COA8: variants seen among roughly 807,000 people sequenced by gnomAD.
The protein encoded by COA8 is cytochrome c oxidase assembly factor 8, also known as UPF0671 protein C14orf153.
Under a neutral mutation model 22.0 loss-of-function variants are expected in COA8, and 20 were observed. The observed-to-expected ratio is 0.91, with a 90% CI of 0.64 to 1.32. The LOEUF (loss-of-function observed/expected upper bound fraction) is 1.32. Ranked by LOEUF, COA8 falls within the 40% of genes most tolerant of loss-of-function variation. The pLI, the probability that COA8 is intolerant of heterozygous loss-of-function variation, is 0.00. For synonymous variants in COA8, 105 were observed against 79.9 expected (o/e 1.31, Z -1.68); for missense variants, 266 against 230.0 (o/e 1.16, Z -1.01).
At chr14:103,584,702 A>G (rs1425741601) in intron 3 of COA8, among the ~76,000 whole-genome samples, 2 of 152,146 alleles carry the variant, frequency 1.3e-5, no homozygotes, top group Non-Finnish European at 2.9e-5. Context: ...TCTGTGTTTA[A>G]TAATAGCTAT....
chr14:103,573,622 G>A (rs1389787755), intron 2 of COA8, among the ~76,000 whole-genome samples: 1 of 149,352 alleles, frequency 6.7e-6, no homozygotes, highest in African/African-American at 2.5e-5. Flanking sequence ...GCGTGATCTC[G>A]GCTCACTGCA....
rs141716997 is a variant in COA8, at chr14:103,570,424, T to C, written c.124-1199T>C. Among the ~76,000 whole-genome samples, 431 of 152,148 alleles carry C rather than the reference T, an allele frequency of 2.8e-3. 9 individuals carry two copies. The highest frequency in any genetic ancestry group is 0.025 in the Admixed American group (389 of 15,280). ...AAACAAAACCAGTTCATGGAGACCA[T>C]GGCATTGCAGTAAAGAAAGAGTTTA... On this transcript the variant is annotated intron_variant, in intron 1 of 4. Coordinates refer to ENST00000409074, the MANE Select transcript of COA8 (RefSeq NM_001370595.2).
rs867254078 is a variant in COA8 at position 103,562,990 on chromosome 14, G to T, written c.-12G>T. Reference sequence around the variant, plus strand: ...GCTGCCGTGCGCCGCGGGAGCCAGGGGGCGTGGGGCCATGGTGGTCTTGCG... The same window carrying T: ...GCTGCCGTGCGCCGCGGGAGCCAGGTGGCGTGGGGCCATGGTGGTCTTGCG... On this transcript the variant is annotated 5_prime_UTR_variant, in exon 1 of 5. Coordinates refer to ENST00000409074, the MANE Select transcript of COA8 (RefSeq NM_001370595.2). 1 of 1,544,898 alleles carries T rather than the reference G, an allele frequency of 6.5e-7. No homozygotes were observed. Among genetic ancestry groups the T allele is most frequent in the Non-Finnish European group, 8.7e-7 (1 of 1,151,570 alleles).
rs986309809 is a variant in COA8 at position 103,581,975 on chromosome 14, G to T, written c.386-5299G>T. On this transcript the variant is annotated intron_variant, in intron 3 of 4. Coordinates refer to ENST00000409074, the MANE Select transcript of COA8 (RefSeq NM_001370595.2). The surrounding 1 kb of genome is among the most constrained non-coding windows in gnomAD (Gnocchi z 4.1). ...TGGCCACTTTGCCCACTCCCCCTTGGGCCGGAGCATCAGCATTAGCTGTGC... is the reference window on the plus strand; with the variant it reads ...TGGCCACTTTGCCCACTCCCCCTTGTGCCGGAGCATCAGCATTAGCTGTGC... Among the ~76,000 whole-genome samples the T allele has an allele frequency of 6.6e-6, 1 of 152,174 alleles. No individual in the cohort carries two copies. The highest frequency in any genetic ancestry group is 2.1e-4 in the South Asian group (1 of 4,834).
intron 1 of COA8, among the ~76,000 whole-genome samples, chr14:103,565,900 C>A (rs544456090): frequency 6.6e-6 from 1 of 151,976 alleles, no homozygotes; most frequent in Admixed American, 6.6e-5. Context: ...CAGGTATGAG[C>A]CACTGTGCCT....
chr14:103,576,255 G>A (rs892495768), intron 3 of COA8, among the ~76,000 whole-genome samples: 3 of 152,092 alleles, frequency 2.0e-5, no homozygotes, highest in South Asian at 2.1e-4. Flanking sequence ...GCGGTGAGCC[G>A]AGATTGCGCC....
intron 3 of COA8, among the ~76,000 whole-genome samples, chr14:103,577,163 G>A (rs748540866): frequency 4.6e-5 from 7 of 152,038 alleles, no homozygotes; most frequent in Non-Finnish European, 8.8e-5. Context: ...CTCCACCTCC[G>A]GGTTCAAGCA....
intron 1 of COA8, among the ~76,000 whole-genome samples, chr14:103,565,424 C>T (rs1412687141): frequency 6.6e-6 from 1 of 152,228 alleles, no homozygotes; most frequent in South Asian, 2.1e-4. Flanking sequence ...TTCATGCCTG[C>T]TTATGTCTTA....
chr14:103,574,445 C>T, intron 3 of COA8: 1 of 601,184 alleles, frequency 1.7e-6, no homozygotes, highest in Admixed American at 2.1e-5. Flanking sequence ...GAGGTCTCAG[C>T]CTTTGCAGCT....
intron 1 of COA8, among the ~76,000 whole-genome samples, chr14:103,568,601 GTATA>G (rs200895984): frequency 1.6e-5 from 2 of 123,806 alleles, no homozygotes; most frequent in East Asian, 2.3e-4. Context: ...ATATGTATAC[GTATA>G]TATATATGTG....
intron 3 of COA8, among the ~76,000 whole-genome samples, chr14:103,579,691 G>A (rs917837300): frequency 8.6e-5 from 13 of 151,442 alleles, no homozygotes; most frequent in South Asian, 4.2e-4. Flanking sequence ...GGCCGGGCAC[G>A]GTGGCTCACG....
chr14:103,582,384 C>G (rs576059406), intron 3 of COA8, among the ~76,000 whole-genome samples: 1 of 152,174 alleles, frequency 6.6e-6, no homozygotes, highest in African/African-American at 2.4e-5. Flanking sequence ...ACCTCTCTTG[C>G]GTGTGGGTGA....
chr14:103,563,301 G>A (rs1051501948), intron 1 of COA8, 177 bp downstream of exon 1: 3 of 861,574 alleles, frequency 3.5e-6, no homozygotes, highest in Non-Finnish European at 5.6e-6. Flanking sequence ...GCCCTCAGTC[G>A]GATGGGACTG....
At chr14:103,589,055 G>A (rs2076331657) in intron 4 of COA8, among the ~76,000 whole-genome samples, 2 of 152,162 alleles carry the variant, frequency 1.3e-5, no homozygotes, top group South Asian at 4.1e-4. Context: ...TGGGCTTCAT[G>A]TTTTCTCTGT....
At chr14:103,569,880 G>A (rs910765727) in intron 1 of COA8, among the ~76,000 whole-genome samples, 6 of 151,908 alleles carry the variant, frequency 3.9e-5, no homozygotes, top group Non-Finnish European at 8.8e-5. Context: ...TTTTTGAGAC[G>A]GAGTCTCGCT....
At chr14:103,573,216 C>CTGGA (rs1256050783) in intron 2 of COA8, among the ~76,000 whole-genome samples, 1 of 151,946 alleles carries the variant, frequency 6.6e-6, no homozygotes, top group Non-Finnish European at 1.5e-5. Flanking sequence ...GTTGCCCAGG[C>CTGGA]TGGAGTGCAG....
chr14:103,576,853 C>G (rs1021395055), intron 3 of COA8, among the ~76,000 whole-genome samples: 1 of 152,052 alleles, frequency 6.6e-6, no homozygotes, highest in African/African-American at 2.4e-5. Context: ...AGGAAGCAGG[C>G]AAAAGAGCAG....
chr14:103,587,470 A>C lies in COA8; in HGVS notation c.476+106A>C. On this transcript the variant is annotated intron_variant, in intron 4 of 4. Transcript: ENST00000409074. ...CATTCATGTTTATATCAGAGGTAGA[A>C]GTTGCAAGACTTTATCAACTTTTTT... 3.3e-6 allele frequency: 2 copies of C among 614,000 alleles called. 1 individual carries two copies. The highest frequency in any genetic ancestry group is 6.9e-5 in the South Asian group (2 of 28,996). 38.0% of individuals were successfully genotyped at this position (614,000 alleles called of 1,614,324 possible). A position where few individuals can be genotyped will look rare whatever the true frequency, so the allele number is the denominator to read the frequency against.
chr14:103,567,063 G>A (rs1417513643), intron 1 of COA8, among the ~76,000 whole-genome samples: 3 of 152,048 alleles, frequency 2.0e-5, no homozygotes, highest in South Asian at 2.1e-4. Context: ...ATGTGCCACC[G>A]CACCTGGCTG....
Sources: gnomAD v4.1 joint callset for allele counts (sites outside exome capture counted in the v4.1 genomes callset) on GRCh38, gnomAD v4.1.1 for gene constraint, Gnocchi (gnomAD v3.1) non-coding constraint, MANE v1.5 for transcripts, NCBI Gene and HGNC (gene_info 2026-07-23, HGNC 2026-07-21) for gene names.